CCDC93: variants seen among roughly 807,000 people sequenced by gnomAD.
CCDC93 encodes CCC complex scaffolding subunit CCDC93, also known as coiled-coil domain-containing protein 93.
In CCDC93, 61 loss-of-function variants were observed where a neutral mutation model predicts 108.2. That is an observed-to-expected ratio of 0.56 (90% CI 0.46 to 0.70). The LOEUF (loss-of-function observed/expected upper bound fraction) is 0.70, where lower values mean the gene tolerates loss of function less well. Ranked by LOEUF, CCDC93 falls within the 30% of genes least tolerant of loss-of-function variation. CCDC93 has a pLI of 0.00. For synonymous variants in CCDC93, 276 were observed against 260.4 expected (o/e 1.06, Z -0.58); for missense variants, 685 against 764.2 (o/e 0.90, Z 1.22).
chr2:117,930,972 G>A, intron 23 of CCDC93, 65 bp downstream of exon 23: 1 of 1,054,692 alleles, frequency 9.5e-7, no homozygotes, highest in Non-Finnish European at 1.4e-6. Flanking sequence ...GTTTTTTAGT[G>A]GCTACTTTTG....
chr2:117,977,717 C>T (rs1679986873), intron 8 of CCDC93, among the ~76,000 whole-genome samples: 1 of 152,196 alleles, frequency 6.6e-6, no homozygotes, highest in Admixed American at 6.5e-5. Context: ...ACTTCACCTT[C>T]ATACTGCAGA....
rs1354461276 is a variant in CCDC93 at position 118,000,849 on chromosome 2, T to C, written c.335A>G (p.Asp112Gly). The change falls in exon 4 of 24, where the codon GAT (aspartate) becomes GGT (glycine). Residue 112 changes from aspartate (D) to glycine (G), a missense_variant. Coordinates refer to ENST00000376300, the MANE Select transcript of CCDC93 (RefSeq NM_019044.5). ...AACAACAGGAAATATGTGAATAAAA[T>C]CCATCCCCTGGATCTGGTGGGGCTC... The part of the protein sequence containing the change: ...QLEPHQIQGM[D>G]FIHIFPVVQW... 4 of 1,613,100 alleles carry C rather than the reference T, an allele frequency of 2.5e-6. No individual in the cohort carries two copies. The highest frequency in any genetic ancestry group is 3.4e-6 in the Non-Finnish European group (4 of 1,179,314).
intron 11 of CCDC93, among the ~76,000 whole-genome samples, chr2:117,965,150 G>C (rs1049466154): frequency 3.3e-5 from 5 of 150,840 alleles, no homozygotes; most frequent in Non-Finnish European, 5.9e-5. Context: ...CCTGATTTTA[G>C]ACCCCCAAAC....
chr2:118,003,128 T>C (rs1419708253), intron 3 of CCDC93, among the ~76,000 whole-genome samples: 1 of 152,216 alleles, frequency 6.6e-6, no homozygotes, highest in Non-Finnish European at 1.5e-5. Context: ...CTGGGCAGCC[T>C]GTCTTTGGGA....
intron 23 of CCDC93, among the ~76,000 whole-genome samples, chr2:117,928,162 A>C (rs1307770290): frequency 6.6e-6 from 1 of 152,226 alleles, no homozygotes; most frequent in Non-Finnish European, 1.5e-5. Flanking sequence ...AAAACCCTAG[A>C]AGAAAACCTA....
chr2:118,007,574 C>G (rs1023346187), intron 2 of CCDC93, among the ~76,000 whole-genome samples: 1 of 152,148 alleles, frequency 6.6e-6, no homozygotes, highest in Admixed American at 6.5e-5. Context: ...GAGGCTGAGG[C>G]AGGAGAATCA....
chr2:117,941,994 T>A (rs1678716362), intron 18 of CCDC93, among the ~76,000 whole-genome samples: 1 of 152,084 alleles, frequency 6.6e-6, no homozygotes, highest in East Asian at 1.9e-4. Flanking sequence ...ATCCTCCCAC[T>A]CTCCTGCCTG....
At chr2:117,968,267 A>G (rs1679652996) in intron 11 of CCDC93, among the ~76,000 whole-genome samples, 1 of 152,144 alleles carries the variant, frequency 6.6e-6, no homozygotes. Context: ...TATCAAGCTT[A>G]GGGGGTTGCA....
Position 117,944,062 on chromosome 2 carries a change from T to C in CCDC93, c.1375A>G (p.Met459Val). 1.9e-6 allele frequency: 3 copies of C among 1,606,044 alleles called. No individual in the cohort carries two copies. Among genetic ancestry groups the C allele is most frequent in the South Asian group, 1.1e-5 (1 of 88,482 alleles). ...ATCTTGTAAAGTTTCTCTTTCTCCA[T>C]ATTATACCGTCTGTCTAGGTCTTCC... ...HDEDLDRRYN[M>V]EKEKLYKIRL... is the part of the protein sequence containing the mutation. The change falls in exon 18 of 24, where the codon ATG (methionine) becomes GTG (valine). Residue 459 changes from methionine to valine, a missense_variant. Transcript: ENST00000376300.
Position 117,997,857 on chromosome 2 carries a change from T to C in CCDC93, c.364-1495A>G, listed in dbSNP as rs143237477. ...CAATTCAGCCCTGCTTTCTTTTGAA[T>C]TGGGAGACCCAGTTTCTGGCTTTTC... On this transcript the variant is annotated intron_variant, in intron 4 of 23. Coordinates refer to ENST00000376300, the MANE Select transcript of CCDC93 (RefSeq NM_019044.5). 15 of 152,356 alleles carry C rather than the reference T, an allele frequency of 9.8e-5. No homozygotes were observed. The East Asian group carries it at 2.7e-3, about 27-fold the overall frequency. The allele number at this position is 152,356 out of a possible 1,614,324, so 9.4% of individuals were successfully genotyped here. A position where few individuals can be genotyped will look rare whatever the true frequency, so the allele number is the denominator to read the frequency against.
intron 1 of CCDC93, among the ~76,000 whole-genome samples, chr2:118,009,831 G>T (rs1011017457): frequency 1.3e-5 from 2 of 151,946 alleles, no homozygotes; most frequent in South Asian, 4.2e-4. Flanking sequence ...TACATTAAAG[G>T]GTGATTATTG....
chr2:117,941,001 A>G (rs536368081), intron 19 of CCDC93, among the ~76,000 whole-genome samples, 188 bp downstream of exon 19: 1 of 152,244 alleles, frequency 6.6e-6, no homozygotes, highest in Admixed American at 6.5e-5. Flanking sequence ...CTGTCCACGG[A>G]GAGGGCAGTG....
chr2:117,976,885 C>A (rs1197385117), intron 8 of CCDC93, among the ~76,000 whole-genome samples: 1 of 145,044 alleles, frequency 6.9e-6, no homozygotes, highest in Non-Finnish European at 1.5e-5. Flanking sequence ...GTGTCCTGTT[C>A]AAGAAATCTG....
chr2:117,926,275 G>A (rs1678090484), intron 23 of CCDC93, among the ~76,000 whole-genome samples: 1 of 152,094 alleles, frequency 6.6e-6, no homozygotes, highest in Admixed American at 6.5e-5. Context: ...GATCAGAGCA[G>A]AACTGAAGGA....
intron 23 of CCDC93, among the ~76,000 whole-genome samples, chr2:117,923,655 G>GGCCT (rs756961154): frequency 1.7e-4 from 22 of 132,412 alleles, no homozygotes; most frequent in South Asian, 7.2e-4. Context: ...AGCACAAGGA[G>GGCCT]GCCTGCCTGC....
At chr2:117,992,539 G>T (rs981569249) in intron 6 of CCDC93, among the ~76,000 whole-genome samples, 4 of 151,988 alleles carry the variant, frequency 2.6e-5, no homozygotes, top group Admixed American at 6.6e-5. Flanking sequence ...CCACCAGGCC[G>T]GACACGTTTT....
chr2:118,009,823 C>T (rs1676976437), intron 1 of CCDC93, among the ~76,000 whole-genome samples: 1 of 152,182 alleles, frequency 6.6e-6, no homozygotes, highest in Non-Finnish European at 1.5e-5. Flanking sequence ...AACCCAGATA[C>T]ATTAAAGGGT....
intron 19 of CCDC93, among the ~76,000 whole-genome samples, chr2:117,939,707 T>C (rs150875494): frequency 6.4e-4 from 98 of 152,286 alleles, no homozygotes; most frequent in African/African-American, 2.2e-3. Flanking sequence ...CCCAGCCTAG[T>C]GGGGCCGGGC....
At chr2:117,992,159 T>C (rs908016166) in intron 6 of CCDC93, among the ~76,000 whole-genome samples, 1 of 152,218 alleles carries the variant, frequency 6.6e-6, no homozygotes, top group African/African-American at 2.4e-5. Flanking sequence ...GCCAATCAAC[T>C]GAGGATTAAG....
Sources: allele counts gnomAD v4.1 joint callset (sites outside exome capture counted in the v4.1 genomes callset), GRCh38; gene constraint gnomAD v4.1.1; transcripts MANE v1.5; gene names NCBI Gene and HGNC (gene_info 2026-07-23, HGNC 2026-07-21).